The following AUTS2 variants were observed in gnomAD, a reference collection of about 807,000 sequenced individuals.
The protein encoded by AUTS2 is activator of transcription and developmental regulator AUTS2, also known as autism susceptibility gene 2 protein.
In AUTS2, 17 loss-of-function variants were observed where a neutral mutation model predicts 112.4. The ratio of observed to expected loss-of-function variants is 0.15; its 90% CI spans 0.10 to 0.23. AUTS2 has a LOEUF of 0.23. AUTS2 is among the 10% of genes least tolerant of loss of function. AUTS2 has a pLI of 1.00. For synonymous variants in AUTS2, 751 were observed against 702.7 expected (o/e 1.07, Z -1.09); for missense variants, 1,510 against 1,701.6 (o/e 0.89, Z 1.98).
chr7:70,430,206 C>A (rs1264414083), intron 4 of AUTS2, among the ~76,000 whole-genome samples: 2 of 152,120 alleles, frequency 1.3e-5, no homozygotes, highest in Non-Finnish European at 2.9e-5. Flanking sequence ...TCTTCACTTA[C>A]GCAGTTGAGT....
intron 1 of AUTS2, among the ~76,000 whole-genome samples, chr7:69,699,646 T>G (rs1039144346): frequency 3.3e-5 from 5 of 149,468 alleles, no homozygotes; most frequent in African/African-American, 9.9e-5. Flanking sequence ...AATGTTTTTT[T>G]TTTTTTTTTT....
At chr7:70,142,369 A>T (rs763087295) in intron 4 of AUTS2, among the ~76,000 whole-genome samples, 1 of 152,184 alleles carries the variant, frequency 6.6e-6, no homozygotes, top group Non-Finnish European at 1.5e-5. Context: ...CCTTACAACT[A>T]GATGTCTGCC....
chr7:70,530,214 C>A (rs1026800818), intron 5 of AUTS2, among the ~76,000 whole-genome samples: 2 of 152,070 alleles, frequency 1.3e-5, no homozygotes, highest in Admixed American at 6.6e-5. Flanking sequence ...AATGCATATC[C>A]GTGCTGGGGA....
intron 2 of AUTS2, among the ~76,000 whole-genome samples, chr7:69,905,821 A>T (rs1159237911): frequency 6.6e-6 from 1 of 152,196 alleles, no homozygotes; most frequent in Non-Finnish European, 1.5e-5. Context: ...CACCTCATAA[A>T]ATAAAACCTG....
At chr7:70,552,766 G>C (rs976623727) in intron 5 of AUTS2, among the ~76,000 whole-genome samples, 1 of 152,178 alleles carries the variant, frequency 6.6e-6, no homozygotes, top group Admixed American at 6.5e-5. Flanking sequence ...CAAATCTGAA[G>C]CAGTAACAGG....
intron 4 of AUTS2, among the ~76,000 whole-genome samples, chr7:70,326,917 C>CTTT (rs552893729): frequency 0.1 from 12,574 of 120,492 alleles, 988 homozygotes; most frequent in Admixed American, 0.14. Flanking sequence ...ATGCTTGGTT[C>CTTT]TTTTTTTTTT....
intron 4 of AUTS2, among the ~76,000 whole-genome samples, chr7:70,361,216 C>T (rs1360752229): frequency 6.6e-6 from 1 of 151,984 alleles, no homozygotes; most frequent in Non-Finnish European, 1.5e-5. Context: ...GCCCGTAGTC[C>T]CAGCTACTCG....
rs182695879 is a variant in AUTS2, at chr7:70,032,623, A to G, written c.523-85509A>G. Among the ~76,000 whole-genome samples the G allele has an allele frequency of 1.9e-4, 29 of 152,274 alleles. No homozygotes were observed. In the East Asian group the frequency reaches 4.8e-3, roughly 25 times the overall value. On this transcript the variant is annotated intron_variant, in intron 2 of 18. Transcript: ENST00000342771. The stretch of plus-strand genomic sequence containing the variant: ...CTGTGGACCCTTTAAGCCACTGTGT[A>G]TACACATATCATTTATGTCCTTGCA...
At chr7:70,615,817 C>T (rs1444115059) in intron 5 of AUTS2, among the ~76,000 whole-genome samples, 1 of 152,032 alleles carries the variant, frequency 6.6e-6, no homozygotes, top group Non-Finnish European at 1.5e-5. Flanking sequence ...GCGATCTTGG[C>T]TCACTGCAAC....
At chr7:69,796,484 C>T (rs1487915319) in intron 1 of AUTS2, among the ~76,000 whole-genome samples, 1 of 150,382 alleles carries the variant, frequency 6.6e-6, no homozygotes, top group Non-Finnish European at 1.5e-5. Context: ...GATTGTGCCA[C>T]TTCACTCCAG....
At chr7:70,401,727 T>C (rs1235805435) in intron 4 of AUTS2, among the ~76,000 whole-genome samples, 2 of 152,180 alleles carry the variant, frequency 1.3e-5, no homozygotes, top group Non-Finnish European at 2.9e-5. Context: ...GGCCAAGGCA[T>C]GAGGCAGACA....
intron 6 of AUTS2, among the ~76,000 whole-genome samples, chr7:70,724,779 G>T (rs1786928589): frequency 6.6e-6 from 1 of 152,184 alleles, no homozygotes; most frequent in Non-Finnish European, 1.5e-5. Flanking sequence ...AGGTGCTAAG[G>T]TGGTAGCATA....
chr7:70,277,625 T>C (rs1787990064), intron 4 of AUTS2, among the ~76,000 whole-genome samples: 1 of 152,188 alleles, frequency 6.6e-6, no homozygotes, highest in African/African-American at 2.4e-5. Context: ...GGGGAGATTT[T>C]ATTTTGATAG....
intron 2 of AUTS2, among the ~76,000 whole-genome samples, chr7:69,920,559 T>A (rs1264947297): frequency 6.6e-6 from 1 of 152,234 alleles, no homozygotes; most frequent in Non-Finnish European, 1.5e-5. Context: ...GTGCTTGGAT[T>A]ACAGGTGTAA....
intron 1 of AUTS2, among the ~76,000 whole-genome samples, chr7:69,894,049 C>G (rs1263619103): frequency 1.3e-5 from 2 of 152,138 alleles, no homozygotes; most frequent in Admixed American, 6.5e-5. Context: ...CCTCCATCAC[C>G]AGTGACCTAA....
At chr7:70,376,738 A>G (rs1219362431) in intron 4 of AUTS2, among the ~76,000 whole-genome samples, 2 of 148,168 alleles carry the variant, frequency 1.3e-5, no homozygotes, top group Non-Finnish European at 3.0e-5. Context: ...TCTCGAATGC[A>G]GTTCTGCTCT....
At chr7:69,844,058 T>C (rs796770975) in intron 1 of AUTS2, among the ~76,000 whole-genome samples, 1 of 152,184 alleles carries the variant, frequency 6.6e-6, no homozygotes, top group Non-Finnish European at 1.5e-5. Flanking sequence ...GTTACTCTGC[T>C]TATTCCCCTA....
intron 1 of AUTS2, among the ~76,000 whole-genome samples, chr7:69,643,576 C>G (rs1794890179): frequency 6.6e-6 from 1 of 152,082 alleles, no homozygotes; most frequent in Non-Finnish European, 1.5e-5. Context: ...TTTATGGAGT[C>G]CCCAGATACT....
At chr7:70,154,231 G>T (rs914891813) in intron 4 of AUTS2, among the ~76,000 whole-genome samples, 1 of 152,094 alleles carries the variant, frequency 6.6e-6, no homozygotes. Flanking sequence ...ATTTCCTGAA[G>T]AAAAAAGTGT....
Sources: allele counts gnomAD v4.1 joint callset (sites outside exome capture counted in the v4.1 genomes callset), GRCh38; gene constraint gnomAD v4.1.1; transcripts MANE v1.5; gene names NCBI Gene and HGNC (gene_info 2026-07-23, HGNC 2026-07-21).